Variants in MYPN observed in about 807,000 individuals in gnomAD.
MYPN encodes sarcomeric protein myopalladin, 145 kDa (MYOP).
In MYPN, 63 loss-of-function variants were observed where a neutral mutation model predicts 129.4. The observed-to-expected ratio is 0.49, with a 90% CI of 0.40 to 0.60. The LOEUF is 0.60. MYPN is among the 20% of genes least tolerant of loss of function. MYPN has a pLI of 0.00. For missense variants in MYPN, 1,596 were observed against 1,635.4 expected, an observed-to-expected ratio of 0.98 and a Z score of 0.42; for synonymous variants, 629 against 600.9, an observed-to-expected ratio of 1.05 and a Z score of -0.68.
chr10:68,174,291 C>T lies in MYPN; in HGVS notation c.2199C>T (p.Thr733=), dbSNP rs778525926. The change falls in exon 11 of 20, where the codon ACC becomes ACT. Residue 733 remains threonine, a synonymous_variant. Coordinates refer to ENST00000358913, the MANE Select transcript of MYPN (RefSeq NM_032578.4). Reference sequence around the variant, plus strand: ...ATTTCTTCCCCTCCACGAACACCACCGCAGCAACTGTGGCCCCTTCCAGCT... The same window carrying T: ...ATTTCTTCCCCTCCACGAACACCACTGCAGCAACTGTGGCCCCTTCCAGCT... ...PKYFFPSTNT[T]AATVAPSSSP... 20 of 1,614,154 alleles carry T rather than the reference C, an allele frequency of 1.2e-5. No homozygotes were observed. The highest frequency in any genetic ancestry group is 6.6e-5 in the South Asian group (6 of 91,086).
intron 1 of MYPN, among the ~76,000 whole-genome samples, chr10:68,097,245 C>A (rs1219290893): frequency 1.3e-5 from 2 of 152,056 alleles, no homozygotes. Context: ...AATGGAGCAC[C>A]CCATGTTACA....
At chr10:68,097,858 A>G (rs1051565304) in intron 1 of MYPN, among the ~76,000 whole-genome samples, 1 of 152,016 alleles carries the variant, frequency 6.6e-6, no homozygotes, top group Admixed American at 6.6e-5. Context: ...TTTCAGTACT[A>G]GTTTTTAAGT....
At chr10:68,139,200 T>C (rs1255073348) in intron 2 of MYPN, among the ~76,000 whole-genome samples, 1 of 152,230 alleles carries the variant, frequency 6.6e-6, no homozygotes, top group East Asian at 1.9e-4. Flanking sequence ...TAAAAGCTCA[T>C]GTTCCAAACT....
intron 2 of MYPN, among the ~76,000 whole-genome samples, chr10:68,138,328 C>T (rs572907146): frequency 2.8e-4 from 42 of 151,808 alleles, no homozygotes; most frequent in Non-Finnish European, 1.0e-4. Context: ...TCTTGAACTC[C>T]TGACTTCAAG....
intron 19 of MYPN, among the ~76,000 whole-genome samples, chr10:68,207,624 C>T (rs1401072893): frequency 6.6e-6 from 1 of 152,088 alleles, no homozygotes; most frequent in Non-Finnish European, 1.5e-5. Context: ...TGCTCCAATC[C>T]CCCAGACTTC....
At chr10:68,154,542 T>C (rs938577324) in intron 6 of MYPN, among the ~76,000 whole-genome samples, 2 of 152,222 alleles carry the variant, frequency 1.3e-5, no homozygotes, top group African/African-American at 4.8e-5. Context: ...AATGATTGCA[T>C]GGGGCACTTG....
chr10:68,145,499 G>A lies in MYPN; in HGVS notation c.1103G>A (p.Gly368Asp), dbSNP rs555527385. The A allele has an allele frequency of 1.1e-5, 17 of 1,613,458 alleles. No homozygotes were observed. In the African/African-American group the frequency reaches 1.2e-4, roughly 11 times the overall value. Residue 368 changes from glycine to aspartate, a missense_variant, in exon 4 of 20, where the codon GGC (glycine) becomes GAC (aspartate). Transcript: ENST00000358913. ...GGGGTTTCTTCTTCTGACTCAGAAG[G>A]CGACCCTAACAAGGAAGAGATGAAT... ...IEGVSSSDSE[G>D]DPNKEEMNRI...
chr10:68,148,327 T>C (rs753087547), intron 4 of MYPN, 26 bp from the exon 5 acceptor site: 2 of 1,542,526 alleles, frequency 1.3e-6, no homozygotes. Flanking sequence ...GTCTATTTTA[T>C]AATCTATATT....
intron 10 of MYPN, among the ~76,000 whole-genome samples, chr10:68,173,761 A>G (rs1202688402): frequency 6.6e-6 from 1 of 150,966 alleles, no homozygotes; most frequent in Non-Finnish European, 1.5e-5. Context: ...CAATCCTCCC[A>G]CCACAGCCTC....
Position 68,088,776 on chromosome 10 carries a change from ACAAT to A in MYPN, c.-2+785_-2+788del, listed in dbSNP as rs894771430. On this transcript the variant is annotated intron_variant, in intron 1 of 6. Coordinates refer to the MYPN transcript ENST00000685154. ...AATTGAGATATAATTAATACACCAT[ACAAT>A]TCACCTGCTTAAAGTGTGTAAGTCA... is the stretch of plus-strand genomic sequence containing the variant. Among the ~76,000 whole-genome samples the A allele has an allele frequency of 7.2e-5, 11 of 152,312 alleles. 1 individual carries two copies. The highest frequency in any genetic ancestry group is 2.4e-4 in the African/African-American group (10 of 41,554).
chr10:68,154,701 C>A (rs994503625), intron 6 of MYPN, among the ~76,000 whole-genome samples: 10 of 152,182 alleles, frequency 6.6e-5, no homozygotes, highest in Non-Finnish European at 1.2e-4. Context: ...AATAAAATGG[C>A]AAAACGAACC....
In MYPN at chr10:68,197,498, C is replaced by G; in HGVS notation, c.3285+20C>G. 6.2e-7 allele frequency: 1 copy of G among 1,612,562 alleles called. No homozygotes were observed. Among genetic ancestry groups the G allele is most frequent in the Non-Finnish European group, 8.5e-7 (1 of 1,179,204 alleles). On this transcript the variant is annotated intron_variant, in intron 16 of 19. Transcript: ENST00000358913. ...TGTAAGGTAGACTCCAGCACCCATG[C>G]TTAGTTCCAGATCTGTTCATATTTT...
chr10:68,106,905 C>T (rs186169033), upstream of MYPN: 654 of 682,994 alleles, frequency 9.6e-4, 3 homozygotes, highest in South Asian at 2.3e-3. Context: ...TTGGATGAGC[C>T]ACTCAACTTT....
chr10:68,121,154 T>C (rs1361434823), intron 1 of MYPN, among the ~76,000 whole-genome samples: 1 of 152,144 alleles, frequency 6.6e-6, no homozygotes, highest in African/African-American at 2.4e-5. Context: ...GGCACATGCC[T>C]GTAGTCCCAG....
At chr10:68,144,608 AG>A (rs1050651509) in intron 3 of MYPN, among the ~76,000 whole-genome samples, 1 of 152,086 alleles carries the variant, frequency 6.6e-6, no homozygotes, top group Admixed American at 6.5e-5. Context: ...CCAGGATCAA[AG>A]CTCTGCTAAC....
At chr10:68,093,801 G>A (rs1464410498) in intron 1 of MYPN, among the ~76,000 whole-genome samples, 1 of 151,776 alleles carries the variant, frequency 6.6e-6, no homozygotes, top group Non-Finnish European at 1.5e-5. Context: ...TAGCTACTCC[G>A]TAGGCAGAGC....
chr10:68,198,800 A>G (rs991004808), intron 16 of MYPN, among the ~76,000 whole-genome samples: 4 of 149,100 alleles, frequency 2.7e-5, no homozygotes, highest in Non-Finnish European at 4.5e-5. Flanking sequence ...CTCACTCACA[A>G]GTGGGAGTTG....
Position 68,206,764 on chromosome 10 carries a change from C to T in MYPN, c.3660-6C>T, listed in dbSNP as rs963446113. ...AAATATAGGTATATTCTCTCTTTTTCTCCAGTATGCACCAGGACACAACAG... is the reference window on the plus strand; with the variant it reads ...AAATATAGGTATATTCTCTCTTTTTTTCCAGTATGCACCAGGACACAACAG... On this transcript the variant is annotated splice_region_variant and splice_polypyrimidine_tract_variant and intron_variant, in intron 18 of 19. Coordinates refer to ENST00000358913, the MANE Select transcript of MYPN (RefSeq NM_032578.4). 1 of 1,614,120 alleles carries T rather than the reference C, an allele frequency of 6.2e-7. No homozygotes were observed. The highest frequency in any genetic ancestry group is 1.1e-5 in the South Asian group (1 of 91,086).
At chr10:68,113,472 G>C (rs542747375) in intron 1 of MYPN, among the ~76,000 whole-genome samples, 3 of 152,210 alleles carry the variant, frequency 2.0e-5, no homozygotes, top group South Asian at 4.1e-4. Flanking sequence ...AAGGTGGGTG[G>C]ATCACTTGAG....
Sources: allele counts gnomAD v4.1 joint callset (sites outside exome capture counted in the v4.1 genomes callset), GRCh38; gene constraint gnomAD v4.1.1; transcripts MANE v1.5; gene names NCBI Gene and HGNC (gene_info 2026-07-23, HGNC 2026-07-21).